The following FHL2 variants were observed in gnomAD, a reference collection of about 807,000 sequenced individuals.
The protein encoded by FHL2 is four and a half LIM domains protein 2.
A neutral mutation model predicts 32.7 loss-of-function variants in FHL2; 20 were observed. That is an observed-to-expected ratio of 0.61 (90% CI 0.43 to 0.89). FHL2 has a LOEUF of 0.89. Among genes scored for constraint, FHL2 ranks in the 40% least tolerant of loss-of-function variants. FHL2 has a pLI of 0.00. For missense variants in FHL2, 311 were observed against 358.6 expected, an observed-to-expected ratio of 0.87 and a Z score of 1.07; for synonymous variants, 123 against 128.1, an observed-to-expected ratio of 0.96 and a Z score of 0.27.
At chr2:105,384,383 T>A (rs1014093835) in intron 3 of FHL2, among the ~76,000 whole-genome samples, 3 of 152,162 alleles carry the variant, frequency 2.0e-5, no homozygotes, top group African/African-American at 7.2e-5. Context: ...AAGGAAGTAG[T>A]CAGCAGAAAG....
chr2:105,411,572 A>G (rs1175262881), intron 1 of FHL2, among the ~76,000 whole-genome samples: 1 of 138,958 alleles, frequency 7.2e-6, no homozygotes, highest in Non-Finnish European at 1.5e-5. Context: ...TTTGACTTTA[A>G]AAGTTCTCAT....
intron 3 of FHL2, among the ~76,000 whole-genome samples, chr2:105,374,824 T>C (rs1681347511): frequency 6.6e-6 from 1 of 152,204 alleles, no homozygotes; most frequent in Non-Finnish European, 1.5e-5. Context: ...TGTCTTTGTG[T>C]TCCCAGCTCT....
intron 2 of FHL2, among the ~76,000 whole-genome samples, chr2:105,395,320 T>C (rs1683047033): frequency 2.6e-5 from 4 of 152,240 alleles, no homozygotes. Flanking sequence ...CTGCATGCTA[T>C]GGCTCTACCA....
intron 5 of FHL2, among the ~76,000 whole-genome samples, chr2:105,364,102 C>CA (rs1340989559): frequency 2.6e-5 from 4 of 152,002 alleles, no homozygotes; most frequent in African/African-American, 9.7e-5. Flanking sequence ...ACTAAAAATA[C>CA]AAAAAATTAG....
At chr2:105,396,842 G>T in intron 1 of FHL2, 145 bp from the exon 2 acceptor site, 1 of 688,636 alleles carries the variant, frequency 1.5e-6, no homozygotes, top group Non-Finnish European at 2.4e-6. Flanking sequence ...AATGTCTAAT[G>T]TTTCCATTCA....
At chr2:105,420,674 T>C (rs1453551030) in intron 1 of FHL2, among the ~76,000 whole-genome samples, 1 of 152,062 alleles carries the variant, frequency 6.6e-6, no homozygotes, top group East Asian at 1.9e-4. Flanking sequence ...TGGAAGACAA[T>C]TTTTCCATGA....
At chr2:105,397,888 G>GTTTTTTT (rs55868128) in intron 1 of FHL2, among the ~76,000 whole-genome samples, 1 of 138,530 alleles carries the variant, frequency 7.2e-6, no homozygotes, top group African/African-American at 2.9e-5. Context: ...TTTGTTTTTT[G>GTTTTTTT]TTTTTTTTTG....
At chr2:105,377,219 G>C (rs1681532978) in intron 3 of FHL2, among the ~76,000 whole-genome samples, 1 of 152,206 alleles carries the variant, frequency 6.6e-6, no homozygotes, top group South Asian at 2.1e-4. Context: ...AGAAGCAAAA[G>C]CTCTGGGGAT....
At chr2:105,400,733 A>G (rs1683436129), upstream of FHL2, among the ~76,000 whole-genome samples, 1 of 111,620 alleles carries the variant, frequency 9.0e-6, no homozygotes, top group South Asian at 2.7e-4. Context: ...TAATCCATTT[A>G]GCTTTGCTTT....
chr2:105,371,826 CTTA>C (rs1387510142), intron 4 of FHL2, among the ~76,000 whole-genome samples: 1 of 152,136 alleles, frequency 6.6e-6, no homozygotes, highest in Non-Finnish European at 1.5e-5. Flanking sequence ...TGTCGTGGTT[CTTA>C]TTGTTACTGA....
intron 1 of FHL2, among the ~76,000 whole-genome samples, chr2:105,413,927 A>G (rs978048664): frequency 4.6e-5 from 7 of 152,154 alleles, no homozygotes; most frequent in Non-Finnish European, 1.0e-4. Flanking sequence ...CAATTCTGAC[A>G]CTATCTACCT....
Position 105,386,490 on chromosome 2 carries a change from A to G in FHL2, c.27T>C (p.His9=), listed in dbSNP as rs2104588015. Reference sequence around the variant, plus strand: ...TCTTGCCAAAGAGAGATTCGTTGCAATGGTGGCAGTCAAAGCGCTCAGTCA... The same window carrying G: ...TCTTGCCAAAGAGAGATTCGTTGCAGTGGTGGCAGTCAAAGCGCTCAGTCA... MTERFDCH[H]CNESLFGKKY... Residue 9 remains histidine (H), a synonymous_variant, in exon 3 of 7, where the codon CAT becomes CAC. Transcript: ENST00000530340. 2 of 1,614,236 alleles carry G rather than the reference A, an allele frequency of 1.2e-6. No homozygotes were observed. Among genetic ancestry groups the G allele is most frequent in the South Asian group, 1.1e-5 (1 of 91,090 alleles).
chr2:105,415,366 G>A (rs1683903216), intron 1 of FHL2, among the ~76,000 whole-genome samples: 1 of 152,162 alleles, frequency 6.6e-6, no homozygotes, highest in Non-Finnish European at 1.5e-5. Context: ...TTGCTTCTGG[G>A]GAGAACTAAG....
chr2:105,398,916 G>A lies in FHL2; in HGVS notation c.-150C>T. On this transcript the variant is annotated 5_prime_UTR_variant, in exon 1 of 7. Coordinates refer to ENST00000530340, the MANE Select transcript of FHL2 (RefSeq NM_001318895.3). ...GATTCGGCCCCCACTTCCGAGCCCT[G>A]GTGGCTAAGCCCCTCGGCCTCCCTC... 6.5e-7 allele frequency: 1 copy of A among 1,539,756 alleles called. No individual in the cohort carries two copies. The highest frequency in any genetic ancestry group is 1.4e-5 in the African/African-American group (1 of 70,232).
intron 1 of FHL2, among the ~76,000 whole-genome samples, chr2:105,431,805 G>C (rs759224878): frequency 3.9e-4 from 60 of 152,202 alleles, no homozygotes; most frequent in Admixed American, 1.3e-4. Context: ...GGGGTTGCCT[G>C]GCTGCTCCTG....
chr2:105,363,571 A>G (rs1680429947), intron 5 of FHL2, 100 bp from the exon 6 acceptor site: 1 of 1,151,110 alleles, frequency 8.7e-7, no homozygotes. Context: ...TCATCCAGAA[A>G]CGTCCAGTTT....
intron 1 of FHL2, among the ~76,000 whole-genome samples, chr2:105,414,472 G>A (rs1015045481): frequency 4.0e-5 from 6 of 151,664 alleles, no homozygotes; most frequent in Admixed American, 1.3e-4. Flanking sequence ...GCTAGGACCC[G>A]CCCCCCCTCC....
intron 1 of FHL2, among the ~76,000 whole-genome samples, chr2:105,414,447 C>T (rs529449975): frequency 8.5e-5 from 13 of 152,256 alleles, no homozygotes; most frequent in African/African-American, 2.6e-4. Flanking sequence ...GTGACCAACC[C>T]CCATCCTGAA....
downstream of FHL2, chr2:105,358,167 G>C (rs897006624): frequency 6.6e-6 from 1 of 152,142 alleles, no homozygotes; most frequent in African/African-American, 2.4e-5. Flanking sequence ...TGGCTCACTG[G>C]TAAGATGTCT....
Sources: gnomAD v4.1 joint callset for allele counts (sites outside exome capture counted in the v4.1 genomes callset) on GRCh38, gnomAD v4.1.1 for gene constraint, MANE v1.5 for transcripts, NCBI Gene and HGNC (gene_info 2026-07-23, HGNC 2026-07-21) for gene names.